The following CHST11 variants were observed in gnomAD, a reference collection of about 807,000 sequenced individuals.
CHST11 encodes C4S-1.
CHST11 carries 9 observed loss-of-function variants against 30.4 expected under a neutral mutation model. The ratio of observed to expected loss-of-function variants is 0.30; its 90% CI spans 0.18 to 0.52. CHST11 has a LOEUF of 0.52. Among genes scored for constraint, CHST11 ranks in the 20% least tolerant of loss-of-function variants. The pLI, the probability that CHST11 is intolerant of heterozygous loss-of-function variation, is 0.97. For missense variants in CHST11, 348 were observed against 460.6 expected (o/e 0.76, Z 2.24); for synonymous variants, 152 against 187.8 (o/e 0.81, Z 1.56).
rs530616423 is a variant in CHST11 at position 104,670,808 on chromosome 12, AAC to A, written c.204+68824_204+68825del. On this transcript the variant is annotated intron_variant, in intron 2 of 2. Transcript: ENST00000303694. ...TACACTCTCACACACACCCCACATA[AAC>A]ACACACCCACACATACATTCTCACA... 6.1e-3 allele frequency among the ~76,000 whole-genome samples: 805 copies of A among 131,266 alleles called. 8 individuals are homozygous for A. Among genetic ancestry groups the A allele is most frequent in the African/African-American group, 0.022 (769 of 34,306 alleles). The allele number at this position is 131,266 out of a possible 152,430, so 86.1% of individuals were successfully genotyped here. A position where few individuals can be genotyped will look rare whatever the true frequency, so the allele number is the denominator to read the frequency against.
intron 1 of CHST11, among the ~76,000 whole-genome samples, chr12:104,584,791 C>A (rs1337371574): frequency 6.6e-6 from 1 of 152,042 alleles, no homozygotes; most frequent in Non-Finnish European, 1.5e-5. Context: ...AGAGTGTTTC[C>A]AATTTTTGGC....
chr12:104,628,600 AT>A (rs2039242022), intron 2 of CHST11, among the ~76,000 whole-genome samples: 1 of 152,136 alleles, frequency 6.6e-6, no homozygotes, highest in Non-Finnish European at 1.5e-5. Context: ...GAGCAGCATC[AT>A]TTCAATAGAG....
At chr12:104,553,066 C>T (rs540144910) in intron 1 of CHST11, 4 of 152,314 alleles carry the variant, frequency 2.6e-5, no homozygotes, top group South Asian at 4.1e-4. Context: ...ACTCTAAAAT[C>T]GCTTGTGCCT....
At chr12:104,644,089 G>A (rs965262427) in intron 2 of CHST11, among the ~76,000 whole-genome samples, 2 of 152,132 alleles carry the variant, frequency 1.3e-5, no homozygotes, top group Non-Finnish European at 2.9e-5. Context: ...ATTGGCTCAC[G>A]GGATGGAGAA....
Position 104,729,212 on chromosome 12 carries a change from C to G in CHST11, c.205-27737C>G, listed in dbSNP as rs2040237705. ...ACACATGGCCAGAATGACCAACAGA[C>G]TAGGGGAGACTGACCTCCTGCCCCA... is the stretch of plus-strand genomic sequence containing the variant. On this transcript the variant is annotated intron_variant, in intron 2 of 2. Transcript: ENST00000303694. This position sits in a 1 kb window ranked among gnomAD's most constrained non-coding sequence, Gnocchi z 4.0. 6.6e-6 allele frequency among the ~76,000 whole-genome samples: 1 copy of G among 152,266 alleles called. No homozygotes were observed. The highest frequency in any genetic ancestry group is 2.1e-4 in the South Asian group (1 of 4,830).
At chr12:104,637,253 G>C (rs1272484787) in intron 2 of CHST11, among the ~76,000 whole-genome samples, 3 of 139,358 alleles carry the variant, frequency 2.2e-5, no homozygotes, top group African/African-American at 8.1e-5. Flanking sequence ...GCAGTGAGCT[G>C]TGATTGCACC....
chr12:104,687,602 G>T (rs1213070180), intron 2 of CHST11, among the ~76,000 whole-genome samples: 2 of 152,174 alleles, frequency 1.3e-5, no homozygotes, highest in African/African-American at 4.8e-5. Context: ...ACAAAGACCT[G>T]GGCAGTGAGG....
chr12:104,703,759 A>G (rs1195995216), intron 2 of CHST11, among the ~76,000 whole-genome samples: 1 of 152,206 alleles, frequency 6.6e-6, no homozygotes, highest in Non-Finnish European at 1.5e-5. Flanking sequence ...GGCACATGCT[A>G]AGCACACACC....
At chr12:104,526,858 A>G (rs977491614) in intron 1 of CHST11, among the ~76,000 whole-genome samples, 6 of 152,198 alleles carry the variant, frequency 3.9e-5, no homozygotes, top group African/African-American at 1.4e-4. Flanking sequence ...TTTGCGGTGA[A>G]TAATAAGGGG....
intron 2 of CHST11, among the ~76,000 whole-genome samples, chr12:104,677,181 A>G (rs146431488): frequency 8.1e-4 from 124 of 152,318 alleles, no homozygotes; most frequent in Non-Finnish European, 1.4e-3. Flanking sequence ...TATTCTCGCA[A>G]TGATTACTTT....
intron 1 of CHST11, among the ~76,000 whole-genome samples, chr12:104,557,099 A>G (rs1200266874): frequency 2.0e-5 from 3 of 152,088 alleles, no homozygotes; most frequent in African/African-American, 4.8e-5. Context: ...ATTTGCAGAG[A>G]CCCTGTTTCC....
chr12:104,566,882 A>G (rs183613958), intron 1 of CHST11, among the ~76,000 whole-genome samples: 3 of 152,138 alleles, frequency 2.0e-5, no homozygotes, highest in Non-Finnish European at 2.9e-5. Flanking sequence ...CCTGAGCCTG[A>G]GAAAATATAT....
intron 2 of CHST11, among the ~76,000 whole-genome samples, chr12:104,677,951 T>G (rs7133386): frequency 0.063 from 9,646 of 152,286 alleles, 546 homozygotes; most frequent in East Asian, 0.2. Flanking sequence ...GGAACATACT[T>G]CCCTGAGATC....
At chr12:104,486,354 G>A (rs758750855) in intron 1 of CHST11, among the ~76,000 whole-genome samples, 4 of 151,314 alleles carry the variant, frequency 2.6e-5, no homozygotes, top group South Asian at 2.1e-4. Context: ...CTAGAGGGCC[G>A]CTCTGTCGAA....
intron 1 of CHST11, among the ~76,000 whole-genome samples, chr12:104,586,496 T>C (rs947090622): frequency 1.3e-5 from 2 of 152,112 alleles, no homozygotes; most frequent in Non-Finnish European, 2.9e-5. Flanking sequence ...AGGTTTGGAG[T>C]TAATGCCCCG....
chr12:104,522,303 T>C (rs528323621), intron 1 of CHST11, among the ~76,000 whole-genome samples: 1 of 152,328 alleles, frequency 6.6e-6, no homozygotes, highest in East Asian at 1.9e-4. Flanking sequence ...ATTTTTAATC[T>C]GTAAAATGGG....
chr12:104,608,014 A>G (rs937325953), intron 2 of CHST11, among the ~76,000 whole-genome samples: 3 of 152,018 alleles, frequency 2.0e-5, no homozygotes, highest in Non-Finnish European at 4.4e-5. Flanking sequence ...TCATATTAGG[A>G]CCACTCTGGG....
intron 2 of CHST11, among the ~76,000 whole-genome samples, chr12:104,732,071 C>T (rs973632693): frequency 1.3e-5 from 2 of 152,240 alleles, no homozygotes; most frequent in African/African-American, 4.8e-5. Flanking sequence ...TATGCTCGGT[C>T]CCTCCAGGGA....
intron 2 of CHST11, among the ~76,000 whole-genome samples, chr12:104,686,977 ATTG>A (rs1330756634): frequency 6.6e-6 from 1 of 152,194 alleles, no homozygotes; most frequent in African/African-American, 2.4e-5. Flanking sequence ...TTGTTTTAAA[ATTG>A]TATATTTTGG....
Sources: gnomAD v4.1 joint callset for allele counts (sites outside exome capture counted in the v4.1 genomes callset) on GRCh38, gnomAD v4.1.1 for gene constraint, Gnocchi (gnomAD v3.1) non-coding constraint, MANE v1.5 for transcripts, NCBI Gene and HGNC (gene_info 2026-07-23, HGNC 2026-07-21) for gene names.